The following ROBO1 variants were observed in gnomAD, a reference collection of about 807,000 sequenced individuals.
ROBO1 encodes roundabout homolog 1.
Under a neutral mutation model 195.9 loss-of-function variants are expected in ROBO1, and 149 were observed. That is an observed-to-expected ratio of 0.76 (90% confidence interval 0.67 to 0.87). The LOEUF (loss-of-function observed/expected upper bound fraction) is 0.87. Among genes scored for constraint, ROBO1 ranks in the 40% least tolerant of loss-of-function variants. ROBO1 has a pLI of 0.00. For synonymous variants in ROBO1, 816 were observed against 733.2 expected, an observed-to-expected ratio of 1.11 and a Z score of -1.82; for missense variants, 1,933 against 2,068.3, an observed-to-expected ratio of 0.93 and a Z score of 1.27.
intron 3 of ROBO1, among the ~76,000 whole-genome samples, chr3:79,074,101 C>T (rs966314759): frequency 4.6e-5 from 7 of 151,582 alleles, no homozygotes; most frequent in African/African-American, 1.7e-4. Context: ...ATCTATTAGA[C>T]TAGAAAAAAT....
intron 5 of ROBO1, among the ~76,000 whole-genome samples, chr3:78,739,015 GGAA>G (rs1223110889): frequency 2.6e-5 from 4 of 152,006 alleles, no homozygotes; most frequent in African/African-American, 4.8e-5. Flanking sequence ...AAGGACAGTA[GGAA>G]GAAGAATAAA....
chr3:78,714,612 C>T (rs2081854599), intron 7 of ROBO1, 88 bp from the exon 8 acceptor site: 6 of 1,187,204 alleles, frequency 5.1e-6, no homozygotes, highest in Admixed American at 6.2e-5. Flanking sequence ...AAAGCACATG[C>T]TACATTCTTT....
chr3:79,199,021 T>G (rs2108774141), intron 2 of ROBO1, among the ~76,000 whole-genome samples: 1 of 152,108 alleles, frequency 6.6e-6, no homozygotes, highest in Non-Finnish European at 1.5e-5. Flanking sequence ...ACCCTTTATT[T>G]ATTTCTCTTG....
chr3:79,369,196 G>A (rs2036094500), intron 2 of ROBO1, among the ~76,000 whole-genome samples: 1 of 152,146 alleles, frequency 6.6e-6, no homozygotes. Context: ...GACAGAGAGA[G>A]CCACAAAACT....
In ROBO1 at chr3:78,702,950, G is replaced by A. The variant is rs372699974; in HGVS notation, c.1045+11447C>T. Among the ~76,000 whole-genome samples the A allele has an allele frequency of 1.3e-3, 199 of 152,248 alleles. 1 individual carries two copies. Among genetic ancestry groups the A allele is most frequent in the African/African-American group, 4.4e-3 (182 of 41,554 alleles). ...TTATTTCTTCAAATATTTGCCTGGC[G>A]TGCACAATTAAGAGAGCATTTCAAA... is the stretch of plus-strand genomic sequence containing the variant. On this transcript the variant is annotated intron_variant, in intron 8 of 30. Transcript: ENST00000464233.
intron 1 of ROBO1, among the ~76,000 whole-genome samples, chr3:79,713,991 C>T (rs1045962597): frequency 3.9e-5 from 6 of 152,088 alleles, no homozygotes; most frequent in Non-Finnish European, 8.8e-5. Flanking sequence ...GTTTTGGTTA[C>T]TGTAGCCTTG....
chr3:79,142,900 T>C (rs1345291400), intron 2 of ROBO1, among the ~76,000 whole-genome samples: 3 of 151,938 alleles, frequency 2.0e-5, no homozygotes, highest in African/African-American at 7.3e-5. Context: ...AAATCATAAA[T>C]AAATATTTGC....
rs1943944779 is a variant in ROBO1 at position 79,589,901 on chromosome 3, T to C, written c.11A>G (p.Lys4Arg). 1 of 1,610,098 alleles carries C rather than the reference T, an allele frequency of 6.2e-7. No individual in the cohort carries two copies. The highest frequency in any genetic ancestry group is 8.5e-7 in the Non-Finnish European group (1 of 1,177,276). The change falls in exon 2 of 31, where the codon AAA becomes AGA. Residue 4 changes from lysine to arginine, a missense_variant. Lys to Arg is a conservative substitution (Grantham distance 26, BLOSUM62 2). Around this residue, in one of 3 missense-constraint regions of ROBO1, gnomAD observed 185 missense variants for 159.5 expected, o/e 1.16. Coordinates refer to ENST00000464233, the MANE Select transcript of ROBO1 (RefSeq NM_002941.4). Reference protein sequence around the residue: MKWKHVPFLVMISL... With the variant: MKWRHVPFLVMISL... ...TATCATGACCAAAAAAGGAACATGTTTCCATTTCATCTTTGTCCCTTCCTT... is the reference window on the plus strand; with the variant it reads ...TATCATGACCAAAAAAGGAACATGTCTCCATTTCATCTTTGTCCCTTCCTT...
chr3:78,627,888 A>G (rs3821596), intron 25 of ROBO1, among the ~76,000 whole-genome samples: 48,572 of 151,920 alleles, frequency 0.32, 9,519 homozygotes, highest in Middle Eastern at 0.45. Context: ...TATGTTCTCT[A>G]AAAGACTCAA....
intron 2 of ROBO1, among the ~76,000 whole-genome samples, chr3:79,557,674 G>A (rs1034342292): frequency 3.6e-5 from 5 of 140,794 alleles, no homozygotes; most frequent in Admixed American, 7.1e-5. Flanking sequence ...GTAGATGTTC[G>A]GTGACCCGAG....
intron 2 of ROBO1, among the ~76,000 whole-genome samples, chr3:79,444,184 T>C (rs1465247724): frequency 6.6e-6 from 1 of 152,092 alleles, no homozygotes; most frequent in Non-Finnish European, 1.5e-5. Flanking sequence ...TGAAAACATA[T>C]CCTTGAAGGA....
At chr3:79,654,501 C>A (rs991310268) in intron 1 of ROBO1, among the ~76,000 whole-genome samples, 1 of 151,784 alleles carries the variant, frequency 6.6e-6, no homozygotes, top group Non-Finnish European at 1.5e-5. Context: ...TAGTTTTGAC[C>A]GTAAAACAAC....
intron 1 of ROBO1, among the ~76,000 whole-genome samples, chr3:79,745,512 T>C (rs1334715146): frequency 6.6e-6 from 1 of 152,184 alleles, no homozygotes; most frequent in Non-Finnish European, 1.5e-5. Flanking sequence ...ACAAAGGCGA[T>C]ATGTCATAAG....
chr3:78,810,678 A>T (rs1242866853), intron 4 of ROBO1, among the ~76,000 whole-genome samples: 3 of 152,048 alleles, frequency 2.0e-5, no homozygotes, highest in African/African-American at 7.2e-5. Context: ...TGGGAAAAAA[A>T]AAAAGTAATC....
intron 3 of ROBO1, among the ~76,000 whole-genome samples, chr3:79,006,752 T>C (rs1254803913): frequency 1.9e-5 from 1 of 53,792 alleles, no homozygotes; most frequent in Non-Finnish European, 3.6e-5. Context: ...CCTTACAAAA[T>C]ATCGGAAAAA....
intron 4 of ROBO1, among the ~76,000 whole-genome samples, chr3:78,860,324 A>ATTT (rs1452163134): frequency 0.012 from 742 of 59,812 alleles, 2 homozygotes; most frequent in African/African-American, 0.014. Flanking sequence ...ATATATATAT[A>ATTT]TATTTTTTTT....
At chr3:79,292,736 G>A (rs1007545136) in intron 2 of ROBO1, among the ~76,000 whole-genome samples, 4 of 152,110 alleles carry the variant, frequency 2.6e-5, no homozygotes, top group Non-Finnish European at 5.9e-5. Context: ...CAACTTGATC[G>A]TGGTGGATAA....
intron 3 of ROBO1, among the ~76,000 whole-genome samples, chr3:79,076,869 T>C (rs997123414): frequency 2.0e-5 from 3 of 151,884 alleles, no homozygotes; most frequent in African/African-American, 7.2e-5. Context: ...AGAGTGTTTG[T>C]TAGAATAGAC....
chr3:79,461,899 A>C (rs1008779750), intron 2 of ROBO1, among the ~76,000 whole-genome samples: 2 of 152,206 alleles, frequency 1.3e-5, no homozygotes, highest in Non-Finnish European at 2.9e-5. Flanking sequence ...AAGGTTGTGT[A>C]AAGAATTTTT....
Sources: gnomAD v4.1 joint callset for allele counts (sites outside exome capture counted in the v4.1 genomes callset) on GRCh38, gnomAD v4.1.1 for gene constraint, gnomAD v4.1.1 regional missense constraint, MANE v1.5 for transcripts, NCBI Gene and HGNC (gene_info 2026-07-23, HGNC 2026-07-21) for gene names.